The following RAB27A variants were observed in gnomAD, a reference collection of about 807,000 sequenced individuals.
RAB27A encodes the protein ras-related protein Rab-27A.
Under a neutral mutation model 20.8 loss-of-function variants are expected in RAB27A, and 17 were observed. The ratio of observed to expected loss-of-function variants is 0.82; its 90% confidence interval spans 0.56 to 1.23. The LOEUF (loss-of-function observed/expected upper bound fraction) is 1.23, where lower values mean the gene tolerates loss of function less well. Ranked by LOEUF, RAB27A falls within the 50% of genes most tolerant of loss-of-function variation. The probability of loss-of-function intolerance (pLI) is 0.00; values close to 1 mark genes in which losing one functional copy is unlikely to be tolerated. For synonymous variants in RAB27A, 85 were observed against 92.8 expected, an observed-to-expected ratio of 0.92 and a Z score of 0.48; for missense variants, 277 against 266.7, an observed-to-expected ratio of 1.04 and a Z score of -0.27.
intron 1 of RAB27A, among the ~76,000 whole-genome samples, chr15:55,280,423 A>T (rs1320110182): frequency 6.6e-6 from 1 of 151,790 alleles, no homozygotes; most frequent in Non-Finnish European, 1.5e-5. Flanking sequence ...TAGATTCCCA[A>T]GCCCTAGCCA....
intron 6 of RAB27A, among the ~76,000 whole-genome samples, chr15:55,221,153 G>A (rs1378025200): frequency 6.6e-6 from 1 of 152,142 alleles, no homozygotes; most frequent in African/African-American, 2.4e-5. Flanking sequence ...AAGACCGAGG[G>A]CACAGGAAAC....
intron 1 of RAB27A, chr15:55,270,519 G>A (rs1452808301): frequency 1.3e-5 from 2 of 152,144 alleles, no homozygotes; most frequent in African/African-American, 4.8e-5. Context: ...CACTCAGAGG[G>A]CGGCTTTATT....
intron 2 of RAB27A, among the ~76,000 whole-genome samples, chr15:55,253,739 TAA>T (rs781690695): frequency 1.4e-5 from 2 of 144,224 alleles, no homozygotes; most frequent in African/African-American, 2.5e-5. Context: ...GAGCCTTGTT[TAA>T]AAAAAAAAAA....
At chr15:55,229,044 C>T (rs887418023) in intron 4 of RAB27A, among the ~76,000 whole-genome samples, 6 of 152,162 alleles carry the variant, frequency 3.9e-5, no homozygotes, top group African/African-American at 1.2e-4. Context: ...CTTGACATTA[C>T]AATGTGTTCC....
At chr15:55,306,942 C>A (rs140347521) in intron 2 of RAB27A, among the ~76,000 whole-genome samples, 348 of 152,222 alleles carry the variant, frequency 2.3e-3, no homozygotes, top group African/African-American at 7.9e-3. Context: ...AGGCACAGAT[C>A]CTCTAGAGGT....
chr15:55,308,022 T>C (rs904184221), intron 2 of RAB27A, among the ~76,000 whole-genome samples: 4 of 152,196 alleles, frequency 2.6e-5, no homozygotes, highest in African/African-American at 4.8e-5. Context: ...GGAAACTATG[T>C]CCTCGTGAGG....
chr15:55,223,723 A>G (rs1230399944), intron 6 of RAB27A, among the ~76,000 whole-genome samples, 166 bp downstream of exon 6: 1 of 152,234 alleles, frequency 6.6e-6, no homozygotes, highest in African/African-American at 2.4e-5. Flanking sequence ...TGCATTGTCA[A>G]TGGATCCTAC....
At chr15:55,258,237 T>C (rs905856553) in intron 2 of RAB27A, among the ~76,000 whole-genome samples, 3 of 152,144 alleles carry the variant, frequency 2.0e-5, no homozygotes, top group Non-Finnish European at 4.4e-5. Flanking sequence ...GTCTCTGTGT[T>C]TTCCTAGAAG....
chr15:55,228,037 T>C (rs948343092), intron 5 of RAB27A, among the ~76,000 whole-genome samples: 3 of 152,070 alleles, frequency 2.0e-5, no homozygotes, highest in Non-Finnish European at 4.4e-5. Flanking sequence ...AAAATAAAGG[T>C]TGACATATAT....
At chr15:55,297,969 G>A (rs1017673368) in intron 2 of RAB27A, among the ~76,000 whole-genome samples, 6 of 152,044 alleles carry the variant, frequency 3.9e-5, no homozygotes, top group Non-Finnish European at 7.4e-5. Context: ...TTGGGAGGCC[G>A]AGGTGGGCAT....
At chr15:55,242,827 G>A (rs1264459595) in intron 2 of RAB27A, among the ~76,000 whole-genome samples, 5 of 152,150 alleles carry the variant, frequency 3.3e-5, no homozygotes, top group Non-Finnish European at 5.9e-5. Flanking sequence ...GAAACTCAGA[G>A]AAGGTAAATG....
intron 2 of RAB27A, among the ~76,000 whole-genome samples, chr15:55,311,927 C>T (rs1436495045): frequency 6.6e-6 from 1 of 152,162 alleles, no homozygotes; most frequent in Non-Finnish European, 1.5e-5. Context: ...CAGGCTGCTT[C>T]CAAGACGGTG....
intron 1 of RAB27A, among the ~76,000 whole-genome samples, chr15:55,278,837 CATTTCTA>C (rs1239922244): frequency 6.6e-6 from 1 of 152,176 alleles, no homozygotes; most frequent in Non-Finnish European, 1.5e-5. Flanking sequence ...GAAAAATCTG[CATTTCTA>C]AGTTCTAAGT....
chr15:55,211,561 T>C (rs1895027883), intron 6 of RAB27A, among the ~76,000 whole-genome samples: 1 of 152,206 alleles, frequency 6.6e-6, no homozygotes, highest in Non-Finnish European at 1.5e-5. Context: ...GATTGTTCCC[T>C]GTTGGTGTAT....
At chr15:55,300,365 A>G (rs2054966908) in intron 2 of RAB27A, among the ~76,000 whole-genome samples, 1 of 152,090 alleles carries the variant, frequency 6.6e-6, no homozygotes, top group African/African-American at 2.4e-5. Context: ...CAGATACGGT[A>G]TTCTGAAAGG....
In RAB27A at chr15:55,253,901, C is replaced by T. The variant is rs1341298898; in HGVS notation, c.-23+16264G>A. ...GCATAAACCATGAAGATGTAAGTATCCACGTGTTTATAACATGGATAATTG... is the reference window on the plus strand; with the variant it reads ...GCATAAACCATGAAGATGTAAGTATTCACGTGTTTATAACATGGATAATTG... On this transcript the variant is annotated intron_variant, in intron 2 of 6. Transcript: ENST00000336787. 3.3e-5 allele frequency among the ~76,000 whole-genome samples: 5 copies of T among 152,242 alleles called. No homozygotes were observed. In the South Asian group the frequency reaches 8.3e-4, roughly 25 times the overall value.
At chr15:55,306,629 T>G (rs529822486) in intron 2 of RAB27A, among the ~76,000 whole-genome samples, 20 of 152,276 alleles carry the variant, frequency 1.3e-4, no homozygotes, top group Admixed American at 3.3e-4. Context: ...TGTCCAATAA[T>G]GAGTATTTGC....
chr15:55,260,093 T>C (rs1897220978), intron 2 of RAB27A: 1 of 152,016 alleles, frequency 6.6e-6, no homozygotes, highest in Admixed American at 6.6e-5. Flanking sequence ...CATGCATATT[T>C]CTCCATCTAT....
rs1478782048 is a variant in RAB27A, at chr15:55,270,257, T to C, written c.-115A>G. ...CAACAATTGACAACTTCCAATCACA[T>C]GTCCTCTTCAGGAAGGTTACTTTTT... On this transcript the variant is annotated 5_prime_UTR_variant, in exon 2 of 7. An upstream start codon of the reference 5' UTR is lost. Coordinates refer to ENST00000336787, the MANE Select transcript of RAB27A (RefSeq NM_183235.3). 2 of 152,210 alleles carry C rather than the reference T, an allele frequency of 1.3e-5. No homozygotes were observed. The highest frequency in any genetic ancestry group is 2.9e-5 in the Non-Finnish European group (2 of 68,016). 9.4% of individuals were successfully genotyped at this position (152,210 alleles called of 1,614,324 possible). A position where few individuals can be genotyped will look rare whatever the true frequency, so the allele number is the denominator to read the frequency against.
Sources: allele counts gnomAD v4.1 joint callset (sites outside exome capture counted in the v4.1 genomes callset), GRCh38; gene constraint gnomAD v4.1.1; transcripts MANE v1.5; gene names NCBI Gene and HGNC (gene_info 2026-07-23, HGNC 2026-07-21).